The following ABI1 variants were observed in gnomAD, a reference collection of about 807,000 sequenced individuals.
ABI1 encodes abl interactor 1.
A neutral mutation model predicts 54.6 loss-of-function variants in ABI1; 14 were observed. The observed-to-expected ratio is 0.26, with a 90% CI of 0.17 to 0.40. The LOEUF (loss-of-function observed/expected upper bound fraction) is 0.40. Among genes scored for constraint, ABI1 ranks in the 10% least tolerant of loss-of-function variants. The pLI, the probability that ABI1 is intolerant of heterozygous loss-of-function variation, is 1.00. For missense variants in ABI1, 443 were observed against 598.3 expected, an observed-to-expected ratio of 0.74 and a Z score of 2.71; for synonymous variants, 194 against 209.3, an observed-to-expected ratio of 0.93 and a Z score of 0.63.
chr10:26,848,236 A>G (rs953863052), intron 1 of ABI1, among the ~76,000 whole-genome samples: 2 of 151,094 alleles, frequency 1.3e-5, no homozygotes, highest in African/African-American at 4.9e-5. Flanking sequence ...GAAGAAGAAG[A>G]AGAAGATGTA....
At chr10:26,855,442 G>A (rs2050724096) in intron 1 of ABI1, among the ~76,000 whole-genome samples, 1 of 152,164 alleles carries the variant, frequency 6.6e-6, no homozygotes, top group South Asian at 2.1e-4. Flanking sequence ...AGTCCTGACT[G>A]CCAATTACTA....
intron 2 of ABI1, 74 bp from the exon 3 acceptor site, chr10:26,777,315 A>G (rs985447672): frequency 2.4e-6 from 3 of 1,226,546 alleles, no homozygotes; most frequent in Non-Finnish European, 3.4e-6. Flanking sequence ...ACACTGGACC[A>G]TATTTAGGAC....
intron 9 of ABI1, among the ~76,000 whole-genome samples, chr10:26,752,958 T>C (rs900711266): frequency 1.3e-5 from 2 of 152,128 alleles, no homozygotes; most frequent in Admixed American, 6.6e-5. Context: ...AATACAAACA[T>C]ACTAAATCAA....
intron 2 of ABI1, among the ~76,000 whole-genome samples, chr10:26,783,357 A>G (rs1368699621): frequency 6.6e-6 from 1 of 152,236 alleles, no homozygotes; most frequent in African/African-American, 2.4e-5. Flanking sequence ...AGATAAAAAG[A>G]GTCCTAGAGA....
At chr10:26,858,006 A>ATTTT (rs1377738554) in intron 1 of ABI1, among the ~76,000 whole-genome samples, 1 of 152,220 alleles carries the variant, frequency 6.6e-6, no homozygotes, top group Non-Finnish European at 1.5e-5. Context: ...CACAGCCAAA[A>ATTTT]GAGTTTCTCA....
chr10:26,779,857 C>T (rs1053272833), intron 2 of ABI1, among the ~76,000 whole-genome samples: 2 of 152,040 alleles, frequency 1.3e-5, no homozygotes, highest in African/African-American at 4.8e-5. Flanking sequence ...CCTTGGACAC[C>T]AACCAGTCTA....
rs190617044 is a variant in ABI1 at position 26,847,717 on chromosome 10, A to C, written c.117+13030T>G. ...TCTCAAACCTTTTAAAAGAGATATT[A>C]TTTAACAGAGGAAAAGATAAATGCA... is the stretch of plus-strand genomic sequence containing the variant. On this transcript the variant is annotated intron_variant, in intron 1 of 10. Coordinates refer to ENST00000376140, the MANE Select transcript of ABI1 (RefSeq NM_001012750.3). Among the ~76,000 whole-genome samples the C allele has an allele frequency of 2.0e-5, 3 of 152,306 alleles. No individual in the cohort carries two copies. In the East Asian group the frequency reaches 5.8e-4, roughly 29 times the overall value.
intron 2 of ABI1, among the ~76,000 whole-genome samples, chr10:26,797,140 G>C (rs774052579): frequency 4.5e-4 from 69 of 152,240 alleles, no homozygotes; most frequent in Non-Finnish European, 8.7e-4. Context: ...AAGTCTAAAG[G>C]AAAGTAATTT....
intron 3 of ABI1, among the ~76,000 whole-genome samples, chr10:26,774,491 C>G (rs1434783949): frequency 1.3e-5 from 2 of 152,154 alleles, no homozygotes; most frequent in African/African-American, 4.8e-5. Context: ...TCTTTTCATT[C>G]TCCTTTATGA....
intron 10 of ABI1, among the ~76,000 whole-genome samples, chr10:26,750,841 T>C (rs1256842128): frequency 6.6e-6 from 1 of 152,264 alleles, no homozygotes; most frequent in Non-Finnish European, 1.5e-5. Flanking sequence ...ATAATTATAG[T>C]GAATATCGGG....
Position 26,750,354 on chromosome 10 carries a change from C to T in ABI1, c.1270+1244G>A, listed in dbSNP as rs150725469. On this transcript the variant is annotated intron_variant, in intron 10 of 10. Coordinates refer to ENST00000376140, the MANE Select transcript of ABI1 (RefSeq NM_001012750.3). ...ACTAAAAATACAAAAGTTAGCTGGG[C>T]GTGGTGGCGGGCACCTGTAATCCCA... Among the ~76,000 whole-genome samples, 136 of 152,234 alleles carry T rather than the reference C, an allele frequency of 8.9e-4. 1 individual carries two copies. In the East Asian group the frequency reaches 0.023, roughly 26 times the overall value.
chr10:26,809,001 G>T (rs1179377610), intron 2 of ABI1, among the ~76,000 whole-genome samples: 1 of 151,868 alleles, frequency 6.6e-6, no homozygotes, highest in African/African-American at 2.4e-5. Flanking sequence ...CGGGCACGGT[G>T]GCTCACGCCT....
intron 1 of ABI1, among the ~76,000 whole-genome samples, chr10:26,837,106 T>C (rs2134000153): frequency 6.6e-6 from 1 of 152,308 alleles, no homozygotes; most frequent in African/African-American, 2.4e-5. Context: ...GCAATTATAT[T>C]TTAAACTGTA....
chr10:26,755,183 A>G (rs969474225), intron 9 of ABI1, among the ~76,000 whole-genome samples: 1 of 152,210 alleles, frequency 6.6e-6, no homozygotes, highest in African/African-American at 2.4e-5. Flanking sequence ...GTATGTACAA[A>G]AATCTGAGGC....
intron 1 of ABI1, among the ~76,000 whole-genome samples, chr10:26,834,439 A>G (rs905449904): frequency 2.0e-5 from 3 of 152,008 alleles, no homozygotes; most frequent in African/African-American, 7.2e-5. Context: ...CTGACACAGG[A>G]CCAACAACCA....
At chr10:26,776,929 T>C (rs983951556) in intron 3 of ABI1, 136 bp downstream of exon 3, 6 of 779,840 alleles carry the variant, frequency 7.7e-6, no homozygotes, top group Non-Finnish European at 1.2e-5. Context: ...GTAAAATTCA[T>C]ATTAAATATT....
chr10:26,769,439 A>G (rs1326659265), intron 5 of ABI1, among the ~76,000 whole-genome samples: 1 of 152,176 alleles, frequency 6.6e-6, no homozygotes, highest in Non-Finnish European at 1.5e-5. Flanking sequence ...TACTTTCTCA[A>G]TAAATGATTT....
intron 7 of ABI1, 31 bp from the exon 8 acceptor site, chr10:26,759,269 A>G: frequency 6.2e-7 from 1 of 1,605,894 alleles, no homozygotes; most frequent in Non-Finnish European, 8.5e-7. Context: ...GCAACCAACA[A>G]AGAGACTTGA....
In ABI1 at chr10:26,807,326, T is replaced by A. The variant is rs144707362; in HGVS notation, c.285+15812A>T. On this transcript the variant is annotated intron_variant, in intron 2 of 10. Coordinates refer to ENST00000376140, the MANE Select transcript of ABI1 (RefSeq NM_001012750.3). ...CCATCTCTACAAAAAATACGAAAAA[T>A]TAGCCAGGTGTGGTGGTGCATGCCT... Among the ~76,000 whole-genome samples the A allele has an allele frequency of 3.6e-3, 542 of 151,952 alleles. 5 individuals carry two copies. Among genetic ancestry groups the A allele is most frequent in the East Asian group, 0.029 (151 of 5,140 alleles).
Sources: allele counts gnomAD v4.1 joint callset (sites outside exome capture counted in the v4.1 genomes callset), GRCh38; gene constraint gnomAD v4.1.1; transcripts MANE v1.5; gene names NCBI Gene and HGNC (gene_info 2026-07-23, HGNC 2026-07-21).